METRNL: variants seen among roughly 807,000 people sequenced by gnomAD.
METRNL encodes the protein meteorin like, glial cell differentiation regulator.
In METRNL, 9 loss-of-function variants were observed where a neutral mutation model predicts 17.4. The observed-to-expected ratio is 0.52, with a 90% CI of 0.31 to 0.90. METRNL has a LOEUF of 0.90. METRNL is among the 40% of genes least tolerant of loss of function. The probability of loss-of-function intolerance (pLI) is 0.05; values close to 1 mark genes in which losing one functional copy is unlikely to be tolerated. For synonymous variants in METRNL, 215 were observed against 199.3 expected, an observed-to-expected ratio of 1.08 and a Z score of -0.66; for missense variants, 408 against 430.7, an observed-to-expected ratio of 0.95 and a Z score of 0.47.
At chr17:83,089,172 G>T (rs2038086838) in intron 2 of METRNL, among the ~76,000 whole-genome samples, 1 of 152,112 alleles carries the variant, frequency 6.6e-6, no homozygotes, top group Admixed American at 6.5e-5. Context: ...CTTGAGGGGA[G>T]CCTTGGGAGC....
chr17:83,085,826 T>A (rs772022331), intron 2 of METRNL, among the ~76,000 whole-genome samples: 14 of 152,168 alleles, frequency 9.2e-5, no homozygotes, highest in Non-Finnish European at 2.1e-4. Flanking sequence ...CCCTGGGAAT[T>A]GGCTGGGTGT....
In METRNL at chr17:83,079,791, C is replaced by T. The variant is rs2037959470; in HGVS notation, c.-25C>T. The T allele has an allele frequency of 1.0e-6, 1 of 969,262 alleles. No individual in the cohort carries two copies. Among genetic ancestry groups the T allele is most frequent in the Non-Finnish European group, 1.2e-6 (1 of 821,514 alleles). 60.0% of individuals were successfully genotyped at this position (969,262 alleles called of 1,614,324 possible). ...GCTCCGGGGGTCGCGGACGCGGGGCCGGGCGGCGGAGCCGGCGCCAGAGCA... is the reference window on the plus strand; with the variant it reads ...GCTCCGGGGGTCGCGGACGCGGGGCTGGGCGGCGGAGCCGGCGCCAGAGCA... On this transcript the variant is annotated 5_prime_UTR_variant, in exon 1 of 4. Transcript: ENST00000320095.
chr17:83,089,617 G>A (rs2038093336), intron 2 of METRNL, among the ~76,000 whole-genome samples: 1 of 151,278 alleles, frequency 6.6e-6, no homozygotes, highest in Non-Finnish European at 1.5e-5. Context: ...CGAGGAGGAT[G>A]GACCAGGATT....
intron 1 of METRNL, among the ~76,000 whole-genome samples, chr17:83,080,782 G>A (rs1006591845): frequency 1.3e-5 from 2 of 150,366 alleles, no homozygotes; most frequent in African/African-American, 4.9e-5. Context: ...GATGCGCGGG[G>A]ACCCGAGTGA....
chr17:83,085,345 G>A (rs1413084651), intron 2 of METRNL, 22 bp downstream of exon 2: 3 of 1,511,968 alleles, frequency 2.0e-6, no homozygotes, highest in Non-Finnish European at 2.7e-6. Context: ...GCCTGGGGCG[G>A]GGGCGGCGGG....
At chr17:83,080,048 C>T in intron 1 of METRNL, 63 bp downstream of exon 1, 1 of 972,478 alleles carries the variant, frequency 1.0e-6, no homozygotes, top group Non-Finnish European at 1.2e-6. Context: ...CCGTCCCGGG[C>T]CGGCCGAGCG....
Position 83,086,865 on chromosome 17 carries a change from G to A in METRNL, c.556+1542G>A, listed in dbSNP as rs183310523. Among the ~76,000 whole-genome samples, 13 of 152,262 alleles carry A rather than the reference G, an allele frequency of 8.5e-5. No homozygotes were observed. The East Asian group carries it at 2.1e-3, about 25-fold the overall frequency. On this transcript the variant is annotated intron_variant, in intron 2 of 3. Coordinates refer to ENST00000320095, the MANE Select transcript of METRNL (RefSeq NM_001004431.3). ...AGTTGTCAGCTGGGGCGACCCTTAC[G>A]GAGCCTGTGCCCTCACCTTTGGGAA...
chr17:83,094,455 T>G lies in METRNL; in HGVS notation c.816T>G (p.Thr272=). 6.3e-7 allele frequency: 1 copy of G among 1,594,516 alleles called. No individual in the cohort carries two copies. Among genetic ancestry groups the G allele is most frequent in the Non-Finnish European group, 8.6e-7 (1 of 1,165,800 alleles). Residue 272 remains threonine (T), a synonymous_variant, in exon 4 of 4, where the codon ACT becomes ACG. Coordinates refer to ENST00000320095, the MANE Select transcript of METRNL (RefSeq NM_001004431.3). ...VRPGHGDFLF[T]GHMHFGEARL... is the part of the protein sequence containing the mutation. The stretch of plus-strand genomic sequence containing the variant: ...CGGGGCATGGCGACTTCCTCTTCAC[T>G]GGCCACATGCACTTCGGGGAGGCGC...
At chr17:83,093,736 A>G (rs1300723886) in intron 3 of METRNL, among the ~76,000 whole-genome samples, 2 of 152,058 alleles carry the variant, frequency 1.3e-5, no homozygotes, top group African/African-American at 4.8e-5. Flanking sequence ...CCCTGTGGGA[A>G]AGGTTTGGCC....
Position 83,090,505 on chromosome 17 carries a change from CA to C in METRNL, c.557-2661del, listed in dbSNP as rs1410186411. ...CACACACCCCCGCCCCACACACACA[CA>C]CCCCCGCCCCACACACACCCCCGAC... On this transcript the variant is annotated intron_variant, in intron 2 of 3. Transcript: ENST00000320095. Among the ~76,000 whole-genome samples, 15 of 16,504 alleles carry C rather than the reference CA, an allele frequency of 9.1e-4. 4 individuals are homozygous for C. In the South Asian group the frequency reaches 9.7e-3, roughly 11 times the overall value. 10.8% of individuals were successfully genotyped at this position (16,504 alleles called of 152,430 possible).
At chr17:83,087,332 G>C (rs1373531424) in intron 2 of METRNL, among the ~76,000 whole-genome samples, 1 of 152,084 alleles carries the variant, frequency 6.6e-6, no homozygotes, top group Non-Finnish European at 1.5e-5. Context: ...GACATGCAGG[G>C]ATCCTCGGAA....
intron 2 of METRNL, among the ~76,000 whole-genome samples, chr17:83,088,044 A>G (rs1459846444): frequency 6.6e-6 from 1 of 152,154 alleles, no homozygotes; most frequent in Non-Finnish European, 1.5e-5. Flanking sequence ...CACGCCGATG[A>G]CCAAGAGTTG....
At chr17:83,083,615 G>A (rs940503819) in intron 1 of METRNL, among the ~76,000 whole-genome samples, 2 of 151,192 alleles carry the variant, frequency 1.3e-5, no homozygotes, top group Non-Finnish European at 1.5e-5. Flanking sequence ...CTGGCCACTC[G>A]TGACCTGGGG....
chr17:83,094,168 C>T (rs2038173173), intron 3 of METRNL, 88 bp from the exon 4 acceptor site: 65 of 1,148,734 alleles, frequency 5.7e-5, no homozygotes, highest in Non-Finnish European at 7.7e-5. Flanking sequence ...TTCCAGTGCC[C>T]ATCGATGCGG....
Position 83,094,913 on chromosome 17 carries a change from G to A in METRNL, c.*338G>A, listed in dbSNP as rs199492385. 17 of 270,252 alleles carry A rather than the reference G, an allele frequency of 6.3e-5. 1 individual carries two copies. The East Asian group carries it at 9.7e-4, about 15-fold the overall frequency. The allele number at this position is 270,252 out of a possible 1,614,324, so 16.7% of individuals were successfully genotyped here. A position where few individuals can be genotyped will look rare whatever the true frequency, so the allele number is the denominator to read the frequency against. ...GTTCTCTAAAGACGTTAGGAGTCAC[G>A]GCATCTGGCCTGCGGTTGGGTGAAG... On this transcript the variant is annotated 3_prime_UTR_variant, in exon 4 of 4. Transcript: ENST00000320095.
chr17:83,093,614 C>T (rs1192949696), intron 3 of METRNL, among the ~76,000 whole-genome samples: 1 of 152,240 alleles, frequency 6.6e-6, no homozygotes, highest in Non-Finnish European at 1.5e-5. Context: ...TTGCCCCCCA[C>T]CAGAGTTCAC....
At chr17:83,091,149 G>A (rs934193912) in intron 2 of METRNL, among the ~76,000 whole-genome samples, 40 of 152,156 alleles carry the variant, frequency 2.6e-4, no homozygotes, top group African/African-American at 8.9e-4. Context: ...TGGCAGAGGT[G>A]CCCCCCCAGT....
chr17:83,084,771 G>A (rs981543511), intron 1 of METRNL, 167 bp from the exon 2 acceptor site: 17 of 767,662 alleles, frequency 2.2e-5, no homozygotes, highest in South Asian at 1.8e-4. Flanking sequence ...AGATGGCGCC[G>A]GCCTGCCTCA....
At chr17:83,082,125 C>T (rs964023324) in intron 1 of METRNL, 1 of 985,424 alleles carries the variant, frequency 1.0e-6, no homozygotes, top group Non-Finnish European at 1.2e-6. Context: ...GGGACCAGCG[C>T]CCCGTCTTTA....
Sources: gnomAD v4.1 joint callset for allele counts (sites outside exome capture counted in the v4.1 genomes callset) on GRCh38, gnomAD v4.1.1 for gene constraint, MANE v1.5 for transcripts, NCBI Gene and HGNC (gene_info 2026-07-23, HGNC 2026-07-21) for gene names.